Variants in TBL1XR1 observed in about 807,000 individuals in gnomAD.
The protein encoded by TBL1XR1 is TBL1X/Y related 1, also known as F-box-like/WD repeat-containing protein TBL1XR1.
A neutral mutation model predicts 66.9 loss-of-function variants in TBL1XR1; 5 were observed. That is an observed-to-expected ratio of 0.07 (90% CI 0.04 to 0.16). The LOEUF is 0.16. Ranked by LOEUF, TBL1XR1 falls within the 10% of genes least tolerant of loss-of-function variation. The pLI, the probability that TBL1XR1 is intolerant of heterozygous loss-of-function variation, is 1.00. For synonymous variants in TBL1XR1, 210 were observed against 206.0 expected (o/e 1.02, Z -0.17); for missense variants, 238 against 623.2 (o/e 0.38, Z 6.58).
At chr3:177,091,340 G>A (rs1196711958) in intron 2 of TBL1XR1, among the ~76,000 whole-genome samples, 2 of 151,818 alleles carry the variant, frequency 1.3e-5, no homozygotes, top group Non-Finnish European at 2.9e-5. Flanking sequence ...TACTTTATAT[G>A]TCATTTATAC....
In TBL1XR1 at chr3:177,033,018, G is replaced by A; in HGVS notation, c.1369C>T (p.Leu457=). 1 of 1,607,448 alleles carries A rather than the reference G, an allele frequency of 6.2e-7. No individual in the cohort carries two copies. Among genetic ancestry groups the A allele is most frequent in the East Asian group, 2.2e-5 (1 of 44,766 alleles). The change falls in exon 14 of 16, where the codon CTG becomes TTG. Residue 457 remains leucine (L), a synonymous_variant. Transcript: ENST00000457928. ...SVAFSPDGRY[L]ASGSFDKCVH... ...CATTTGTCAAAAGAACCACTTGCCAGATACCTGCCATCAGGACTGAAAGCT... is the reference window on the plus strand; with the variant it reads ...CATTTGTCAAAAGAACCACTTGCCAAATACCTGCCATCAGGACTGAAAGCT...
intron 2 of TBL1XR1, among the ~76,000 whole-genome samples, chr3:177,087,452 C>A (rs894553729): frequency 5.9e-5 from 9 of 151,992 alleles, no homozygotes; most frequent in African/African-American, 2.2e-4. Flanking sequence ...GCATTCCAAC[C>A]TTTTTGTTTT....
intron 10 of TBL1XR1, among the ~76,000 whole-genome samples, chr3:177,039,892 G>T (rs1158120272): frequency 2.0e-5 from 3 of 152,174 alleles, no homozygotes; most frequent in Non-Finnish European, 2.9e-5. Flanking sequence ...TATTACCTAT[G>T]GCTGCTTTTT....
At chr3:177,117,661 G>T (rs1484881655) in intron 1 of TBL1XR1, among the ~76,000 whole-genome samples, 1 of 152,128 alleles carries the variant, frequency 6.6e-6, no homozygotes, top group Non-Finnish European at 1.5e-5. Flanking sequence ...TAATGAAAAT[G>T]TTAACACTTT....
Position 177,020,027 on chromosome 3 carries a change from A to G in TBL1XR1, c.*5471T>C, listed in dbSNP as rs1712152381. ...AAATATGCTCAATGATTCTTTTTAA[A>G]AAGTCTCTAACTCTAAAGGAGTTGG... On this transcript the variant is annotated 3_prime_UTR_variant, in exon 16 of 16. Transcript: ENST00000457928. 1 of 151,976 alleles carries G rather than the reference A, an allele frequency of 6.6e-6. No individual in the cohort carries two copies. Among genetic ancestry groups the G allele is most frequent in the Non-Finnish European group, 1.5e-5 (1 of 67,978 alleles). The allele number at this position is 151,976 out of a possible 1,614,324, so 9.4% of individuals were successfully genotyped here. A position where few individuals can be genotyped will look rare whatever the true frequency, so the allele number is the denominator to read the frequency against.
chr3:177,061,515 A>T (rs1203083417), intron 3 of TBL1XR1, among the ~76,000 whole-genome samples: 1 of 152,206 alleles, frequency 6.6e-6, no homozygotes, highest in African/African-American at 2.4e-5. Flanking sequence ...TGATAATGAG[A>T]CAGGCCAGGC....
chr3:177,188,170 TC>T (rs1367568632), intron 1 of TBL1XR1, among the ~76,000 whole-genome samples: 2 of 151,930 alleles, frequency 1.3e-5, no homozygotes, highest in Admixed American at 1.3e-4. Flanking sequence ...GACCTCGTGA[TC>T]CACCCACCTC....
chr3:177,104,280 A>G (rs1337497041), intron 1 of TBL1XR1, among the ~76,000 whole-genome samples: 2 of 152,144 alleles, frequency 1.3e-5, no homozygotes, highest in African/African-American at 4.8e-5. Context: ...AGAAACAAAA[A>G]CAGTATTACC....
chr3:177,184,576 T>C (rs1735190819), intron 1 of TBL1XR1, among the ~76,000 whole-genome samples: 1 of 152,140 alleles, frequency 6.6e-6, no homozygotes, highest in Non-Finnish European at 1.5e-5. Context: ...CAGAGGCCAG[T>C]GGATCACCTT....
intron 1 of TBL1XR1, among the ~76,000 whole-genome samples, chr3:177,151,318 T>C (rs371957097): frequency 2.0e-5 from 3 of 152,204 alleles, no homozygotes; most frequent in Non-Finnish European, 2.9e-5. Flanking sequence ...ACAGTTGCAT[T>C]TGATTTTCTT....
intron 14 of TBL1XR1, among the ~76,000 whole-genome samples, chr3:177,029,615 T>C (rs1389163738): frequency 6.6e-6 from 1 of 152,054 alleles, no homozygotes; most frequent in Non-Finnish European, 1.5e-5. Flanking sequence ...AGTGAGACTC[T>C]ATCTCAAGAC....
At chr3:177,045,113 T>G (rs1404450332) in intron 10 of TBL1XR1, 2 of 152,156 alleles carry the variant, frequency 1.3e-5, no homozygotes, top group Admixed American at 6.6e-5. Flanking sequence ...TTGGCTTGTT[T>G]AGGCACACTA....
chr3:177,107,715 C>G, intron 1 of TBL1XR1, among the ~76,000 whole-genome samples: 1 of 152,124 alleles, frequency 6.6e-6, no homozygotes, highest in Non-Finnish European at 1.5e-5. Flanking sequence ...TGAAACGAAA[C>G]TACCTTTCTT....
At chr3:177,123,510 G>T (rs904169328) in intron 1 of TBL1XR1, among the ~76,000 whole-genome samples, 1 of 151,944 alleles carries the variant, frequency 6.6e-6, no homozygotes. Flanking sequence ...GCTCAAAAAG[G>T]TTTTCCTATT....
chr3:177,134,596 G>A lies in TBL1XR1; in HGVS notation c.-121-36055C>T, dbSNP rs145195230. On this transcript the variant is annotated intron_variant, in intron 1 of 15. Transcript: ENST00000457928. Reference sequence around the variant, plus strand: ...GGCTTTGCAGCTTTAAGATAATTCCGGTCTTTCCCCCTTATGTTTCCTTAA... The same window carrying A: ...GGCTTTGCAGCTTTAAGATAATTCCAGTCTTTCCCCCTTATGTTTCCTTAA... Among the ~76,000 whole-genome samples, 168 of 152,186 alleles carry A rather than the reference G, an allele frequency of 1.1e-3. No homozygotes were observed. In the East Asian group the frequency reaches 0.023, roughly 21 times the overall value.
chr3:177,128,096 A>G (rs1221878238), intron 1 of TBL1XR1, among the ~76,000 whole-genome samples: 1 of 151,938 alleles, frequency 6.6e-6, no homozygotes, highest in Non-Finnish European at 1.5e-5. Context: ...GTGCACACCT[A>G]TAGTCCTGGC....
At chr3:177,172,672 G>GGA (rs1553864081) in intron 1 of TBL1XR1, among the ~76,000 whole-genome samples, 1 of 109,740 alleles carries the variant, frequency 9.1e-6, no homozygotes, top group Non-Finnish European at 2.0e-5. Context: ...AGAAGGGAGG[G>GGA]GAGGGGAGGG....
chr3:177,050,659 CATG>C, intron 5 of TBL1XR1, 49 bp from the exon 6 acceptor site: 1 of 1,606,434 alleles, frequency 6.2e-7, no homozygotes, highest in South Asian at 1.1e-5. Flanking sequence ...AGTATTACAA[CATG>C]GTGGATGGGT....
chr3:177,053,763 T>A lies in TBL1XR1; in HGVS notation c.204+10A>T. ...GAAAAAAATCAGTATTTGAAATAAG[T>A]CTTCCTTACCTCATTAATACTAACT... On this transcript the variant is annotated intron_variant, in intron 4 of 15. Coordinates refer to ENST00000457928, the MANE Select transcript of TBL1XR1 (RefSeq NM_024665.7). The A allele has an allele frequency of 1.2e-6, 2 of 1,609,142 alleles. No homozygotes were observed. The highest frequency in any genetic ancestry group is 1.7e-6 in the Non-Finnish European group (2 of 1,177,838).
Sources: gnomAD v4.1 joint callset for allele counts (sites outside exome capture counted in the v4.1 genomes callset) on GRCh38, gnomAD v4.1.1 for gene constraint, MANE v1.5 for transcripts, NCBI Gene and HGNC (gene_info 2026-07-23, HGNC 2026-07-21) for gene names.